Variants in VAV3 observed in about 807,000 individuals in gnomAD.
The protein encoded by VAV3 is guanine nucleotide exchange factor VAV3.
Under a neutral mutation model 131.2 loss-of-function variants are expected in VAV3, and 94 were observed. The ratio of observed to expected loss-of-function variants is 0.72; its 90% confidence interval spans 0.61 to 0.85. The LOEUF (loss-of-function observed/expected upper bound fraction) is 0.85, where lower values mean the gene tolerates loss of function less well. Among genes scored for constraint, VAV3 ranks in the 40% least tolerant of loss-of-function variants. The pLI, the probability that VAV3 is intolerant of heterozygous loss-of-function variation, is 0.00. For synonymous variants in VAV3, 349 were observed against 342.0 expected (o/e 1.02, Z -0.22); for missense variants, 939 against 1,002.7 (o/e 0.94, Z 0.86).
intron 15 of VAV3, among the ~76,000 whole-genome samples, chr1:107,732,704 G>T (rs1288262055): frequency 2.6e-5 from 4 of 152,220 alleles, no homozygotes; most frequent in Non-Finnish European, 5.9e-5. Flanking sequence ...AAACAAAGTG[G>T]CCGGGAAGCT....
At chr1:107,750,035 T>C (rs1663612770) in intron 13 of VAV3, among the ~76,000 whole-genome samples, 1 of 152,122 alleles carries the variant, frequency 6.6e-6, no homozygotes. Context: ...TTCACAAACA[T>C]GACTCAATTT....
chr1:107,701,433 C>A (rs1318586872), intron 17 of VAV3, among the ~76,000 whole-genome samples: 1 of 142,514 alleles, frequency 7.0e-6, no homozygotes, highest in East Asian at 2.1e-4. Context: ...AGCAGTGGGG[C>A]CCTTGATCCA....
chr1:107,870,467 C>T (rs1419206238), intron 2 of VAV3, among the ~76,000 whole-genome samples: 2 of 152,020 alleles, frequency 1.3e-5, no homozygotes, highest in African/African-American at 2.4e-5. Context: ...GTCCTTAGCC[C>T]ACTTTTTGAT....
intron 15 of VAV3, among the ~76,000 whole-genome samples, chr1:107,728,838 GTCACCAAGTA>G (rs1323631188): frequency 5.9e-5 from 9 of 152,112 alleles, no homozygotes; most frequent in African/African-American, 2.2e-4. Context: ...AATTATAATT[GTCACCAAGTA>G]TCATTTTAAT....
At chr1:107,767,125 G>A (rs1664776658) in intron 7 of VAV3, among the ~76,000 whole-genome samples, 1 of 152,140 alleles carries the variant, frequency 6.6e-6, no homozygotes, top group South Asian at 2.1e-4. Context: ...GTGTCCTGGT[G>A]CTAAGCTAAC....
intron 1 of VAV3, among the ~76,000 whole-genome samples, chr1:107,912,740 T>C (rs750170911): frequency 5.9e-5 from 9 of 152,224 alleles, no homozygotes; most frequent in Non-Finnish European, 1.3e-4. Context: ...TCTGCACCTC[T>C]TCTGGAACAG....
At chr1:107,798,124 G>A (rs945793032) in intron 2 of VAV3, among the ~76,000 whole-genome samples, 1 of 152,144 alleles carries the variant, frequency 6.6e-6, no homozygotes, top group Non-Finnish European at 1.5e-5. Flanking sequence ...ATACATACAG[G>A]TTTATCAGAT....
chr1:107,840,078 A>T lies in VAV3; in HGVS notation c.321+34823T>A, dbSNP rs575587917. Among the ~76,000 whole-genome samples, 6 of 152,324 alleles carry T rather than the reference A, an allele frequency of 3.9e-5. No individual in the cohort carries two copies. The East Asian group carries it at 1.2e-3, about 29-fold the overall frequency. ...GATGGTTTCACTAGTGAATTCTACC[A>T]AACGTTCAAGGAAAATATAATCCAC... is the stretch of plus-strand genomic sequence containing the variant. On this transcript the variant is annotated intron_variant, in intron 2 of 26. Coordinates refer to ENST00000370056, the MANE Select transcript of VAV3 (RefSeq NM_006113.5).
chr1:107,950,454 A>T (rs938994555), intron 1 of VAV3, among the ~76,000 whole-genome samples: 1 of 152,146 alleles, frequency 6.6e-6, no homozygotes, highest in Admixed American at 6.6e-5. Flanking sequence ...AGAGTTAGGG[A>T]TTCAGGGTGT....
Position 107,784,619 on chromosome 1 carries a change from T to C in VAV3, c.322-5127A>G, listed in dbSNP as rs145924444. On this transcript the variant is annotated intron_variant, in intron 2 of 26. Coordinates refer to ENST00000370056, the MANE Select transcript of VAV3 (RefSeq NM_006113.5). ...TATATAAAAACATAAGCCGTGCCAG[T>C]GATCTGTTCATTGGTCTTTCAATCT... 7.5e-3 allele frequency among the ~76,000 whole-genome samples: 1,150 copies of C among 152,336 alleles called. 8 individuals carry two copies. Among genetic ancestry groups the C allele is most frequent in the Admixed American group, 0.011 (165 of 15,302 alleles).
At chr1:107,638,943 C>CAT (rs1655135097) in intron 20 of VAV3, among the ~76,000 whole-genome samples, 1 of 151,840 alleles carries the variant, frequency 6.6e-6, no homozygotes, top group African/African-American at 2.4e-5. Context: ...TACACACACA[C>CAT]GGCATATATA....
intron 25 of VAV3, among the ~76,000 whole-genome samples, chr1:107,582,429 T>C (rs542123043): frequency 8.1e-4 from 124 of 152,312 alleles, no homozygotes; most frequent in African/African-American, 2.9e-3. Flanking sequence ...TTTATTATTA[T>C]ACTTTAAGTT....
intron 1 of VAV3, among the ~76,000 whole-genome samples, chr1:107,930,024 T>C (rs909822119): frequency 2.6e-5 from 4 of 151,624 alleles, no homozygotes; most frequent in Non-Finnish European, 4.4e-5. Flanking sequence ...AATAGAAGGA[T>C]AGTTACCAGA....
chr1:107,884,437 T>C (rs1037331864), intron 1 of VAV3, among the ~76,000 whole-genome samples: 6 of 145,634 alleles, frequency 4.1e-5, no homozygotes, highest in Admixed American at 1.4e-4. Flanking sequence ...TTATTATTAT[T>C]ATTATTATTA....
chr1:107,720,384 AAAATAAATAAATAAAT>A (rs35673194), intron 15 of VAV3, among the ~76,000 whole-genome samples: 30 of 102,554 alleles, frequency 2.9e-4, no homozygotes, highest in African/African-American at 2.4e-4. Flanking sequence ...CACTGTCTCA[AAAATAAATAAATAAAT>A]AAATAAATAA....
At chr1:107,828,820 T>C (rs763536737) in intron 2 of VAV3, among the ~76,000 whole-genome samples, 6 of 152,206 alleles carry the variant, frequency 3.9e-5, no homozygotes, top group African/African-American at 4.8e-5. Context: ...TAAGGTAACA[T>C]ATTCATCAGT....
intron 20 of VAV3, among the ~76,000 whole-genome samples, chr1:107,639,367 A>G (rs1271484388): frequency 7.0e-6 from 1 of 142,248 alleles, no homozygotes; most frequent in African/African-American, 2.5e-5. Flanking sequence ...TATGTATAAC[A>G]TTATCAAGAG....
At chr1:107,936,246 A>AC (rs1557934200) in intron 1 of VAV3, among the ~76,000 whole-genome samples, 1 of 152,306 alleles carries the variant, frequency 6.6e-6, no homozygotes, top group Non-Finnish European at 1.5e-5. Flanking sequence ...ACTTAATGCA[A>AC]CATGTAACAC....
intron 22 of VAV3, among the ~76,000 whole-genome samples, chr1:107,608,784 T>TA (rs1652497052): frequency 6.6e-6 from 1 of 152,140 alleles, no homozygotes; most frequent in South Asian, 2.1e-4. Context: ...TCAGAACATG[T>TA]AAAAAATATC....
Sources: allele counts gnomAD v4.1 joint callset (sites outside exome capture counted in the v4.1 genomes callset), GRCh38; gene constraint gnomAD v4.1.1; transcripts MANE v1.5; gene names NCBI Gene and HGNC (gene_info 2026-07-23, HGNC 2026-07-21).